The following RAI1 variants were observed in gnomAD, a reference collection of about 807,000 sequenced individuals.
RAI1 encodes the protein retinoic acid-induced protein 1.
Under a neutral mutation model 123.8 loss-of-function variants are expected in RAI1, and 9 were observed. The observed-to-expected ratio is 0.07, with a 90% CI of 0.04 to 0.13. RAI1 has a LOEUF of 0.13. Ranked by LOEUF, RAI1 falls within the 10% of genes least tolerant of loss-of-function variation. RAI1 has a pLI of 1.00. For synonymous variants in RAI1, 1,231 were observed against 1,127.3 expected, an observed-to-expected ratio of 1.09 and a Z score of -1.84; for missense variants, 2,256 against 2,545.8, an observed-to-expected ratio of 0.89 and a Z score of 2.45.
chr17:17,785,867 C>T (rs2031809726), intron 2 of RAI1, among the ~76,000 whole-genome samples: 1 of 152,212 alleles, frequency 6.6e-6, no homozygotes, highest in Non-Finnish European at 1.5e-5. Context: ...CCCTTTGCAT[C>T]GGTTCTGTCA....
At chr17:17,698,976 A>T (rs1240173670) in intron 1 of RAI1, among the ~76,000 whole-genome samples, 1 of 152,240 alleles carries the variant, frequency 6.6e-6, no homozygotes, top group East Asian at 1.9e-4. Flanking sequence ...GCTGATCACA[A>T]GCCAAGACAG....
At chr17:17,682,073 T>TG (rs1010896202) in intron 1 of RAI1, among the ~76,000 whole-genome samples, 1 of 33,292 alleles carries the variant, frequency 3.0e-5, no homozygotes, top group Non-Finnish European at 6.3e-5. Flanking sequence ...TGAGGTCGGG[T>TG]GGGGGCATGG....
intron 2 of RAI1, among the ~76,000 whole-genome samples, chr17:17,755,847 C>T (rs754218387): frequency 2.9e-4 from 44 of 152,242 alleles, no homozygotes; most frequent in Non-Finnish European, 4.9e-4. Context: ...CCAAGGCCTG[C>T]CGTGCCTCAC....
intron 1 of RAI1, among the ~76,000 whole-genome samples, chr17:17,708,404 A>G (rs1331501700): frequency 7.4e-6 from 1 of 135,278 alleles, no homozygotes; most frequent in Non-Finnish European, 1.6e-5. Flanking sequence ...CTTCTCATAT[A>G]TATATATACA....
At chr17:17,707,483 A>G (rs935764427) in intron 1 of RAI1, among the ~76,000 whole-genome samples, 2 of 152,164 alleles carry the variant, frequency 1.3e-5, no homozygotes, top group African/African-American at 4.8e-5. Context: ...TTGCAGGCAG[A>G]GGGAATAGCA....
chr17:17,790,893 A>G (rs1012934475), intron 2 of RAI1, among the ~76,000 whole-genome samples: 1 of 152,114 alleles, frequency 6.6e-6, no homozygotes, highest in Admixed American at 6.5e-5. Flanking sequence ...GAGGCTGCCC[A>G]CCTGGCAGGG....
At chr17:17,727,981 C>T (rs1916148417) in intron 2 of RAI1, among the ~76,000 whole-genome samples, 2 of 152,022 alleles carry the variant, frequency 1.3e-5, no homozygotes, top group Admixed American at 1.3e-4. Flanking sequence ...TCTGATCCTG[C>T]TTGTGTATTG....
intron 1 of RAI1, among the ~76,000 whole-genome samples, chr17:17,705,626 T>C (rs1475011217): frequency 2.6e-5 from 4 of 152,186 alleles, no homozygotes; most frequent in African/African-American, 4.8e-5. Context: ...CTTGCAAGGC[T>C]GAGGCAGGAG....
At chr17:17,779,087 G>T in intron 2 of RAI1, 1 of 353,932 alleles carries the variant, frequency 2.8e-6, no homozygotes, top group South Asian at 2.1e-5. Context: ...TTTCATGGCT[G>T]TTCCAAAGAG....
intron 2 of RAI1, among the ~76,000 whole-genome samples, chr17:17,752,188 C>G (rs1665078588): frequency 6.6e-6 from 1 of 152,082 alleles, no homozygotes; most frequent in African/African-American, 2.4e-5. Context: ...CGGGCCAGTG[C>G]CGGGACTGGG....
chr17:17,795,679 A>C lies in RAI1; in HGVS notation c.2731A>C (p.Lys911Gln), dbSNP rs1485764904. ...KEEVEEVLDSKAGWGSPCHLS... is the reference protein window; with the variant it reads ...KEEVEEVLDSQAGWGSPCHLS... The stretch of plus-strand genomic sequence containing the variant: ...GGAGGTGGAGGAGGTGCTGGACTCC[A>C]AGGCCGGCTGGGGCTCTCCGTGCCA... The change falls in exon 3 of 6, where the codon AAG (lysine) becomes CAG (glutamine). Residue 911 changes from lysine to glutamine, a missense_variant. Physicochemically the swap from Lys to Gln is moderately conservative, Grantham distance 53 (BLOSUM62 1). Around this residue, in one of 7 missense-constraint regions of RAI1, gnomAD observed 566 missense variants for 616.0 expected, o/e 0.92. Coordinates refer to ENST00000353383, the MANE Select transcript of RAI1 (RefSeq NM_030665.4). This position sits in a 1 kb window ranked among gnomAD's most constrained non-coding sequence, Gnocchi z 5.9. 7 of 1,613,342 alleles carry C rather than the reference A, an allele frequency of 4.3e-6. No homozygotes were observed. The highest frequency in any genetic ancestry group is 5.9e-6 in the Non-Finnish European group (7 of 1,179,984).
At chr17:17,733,209 A>T (rs1916323472) in intron 2 of RAI1, among the ~76,000 whole-genome samples, 1 of 152,154 alleles carries the variant, frequency 6.6e-6, no homozygotes, top group South Asian at 2.1e-4. Flanking sequence ...TCCGAGGCAG[A>T]TTCTATCTTT....
Position 17,794,181 on chromosome 17 carries a change from T to C in RAI1, c.1233T>C (p.Ala411=), listed in dbSNP as rs889623348. 6 of 1,613,650 alleles carry C rather than the reference T, an allele frequency of 3.7e-6. No individual in the cohort carries two copies. The highest frequency in any genetic ancestry group is 1.3e-5 in the African/African-American group (1 of 74,922). The change falls in exon 3 of 6, where the codon GCT becomes GCC. Residue 411 remains alanine, a synonymous_variant. Coordinates refer to ENST00000353383, the MANE Select transcript of RAI1 (RefSeq NM_030665.4). Reference sequence around the variant, plus strand: ...CCACCAGCTCTGTGGACACCCAGGCTGGCAACTGCAAGCCCCTTCAGAAGG... The same window carrying C: ...CCACCAGCTCTGTGGACACCCAGGCCGGCAACTGCAAGCCCCTTCAGAAGG... The part of the protein sequence containing the change: ...TDATSSVDTQ[A]GNCKPLQKDK...
intron 2 of RAI1, among the ~76,000 whole-genome samples, chr17:17,730,425 T>C (rs1164287004): frequency 6.6e-6 from 1 of 152,232 alleles, no homozygotes; most frequent in Non-Finnish European, 1.5e-5. Flanking sequence ...CTGGCCCTCA[T>C]GGGGCGCGGT....
At chr17:17,683,487 T>A (rs1914516093) in intron 1 of RAI1, 2 of 152,218 alleles carry the variant, frequency 1.3e-5, no homozygotes, top group Non-Finnish European at 2.9e-5. Flanking sequence ...GACGTGGCCC[T>A]CGGGATCTAG....
At chr17:17,695,279 G>C (rs949113297) in intron 1 of RAI1, among the ~76,000 whole-genome samples, 1 of 152,194 alleles carries the variant, frequency 6.6e-6, no homozygotes, top group Non-Finnish European at 1.5e-5. Flanking sequence ...CCCGGTCCAG[G>C]CCTGGACCCT....
At chr17:17,742,087 T>G (rs1427402625) in intron 2 of RAI1, among the ~76,000 whole-genome samples, 2 of 152,258 alleles carry the variant, frequency 1.3e-5, no homozygotes, top group Non-Finnish European at 2.9e-5. Context: ...AGACCATAAT[T>G]CCCGTCTTGG....
chr17:17,691,292 C>T (rs1390949715), intron 1 of RAI1, among the ~76,000 whole-genome samples: 3 of 152,078 alleles, frequency 2.0e-5, no homozygotes, highest in Non-Finnish European at 2.9e-5. Context: ...AGGCAGCCCC[C>T]GGAACCACAC....
chr17:17,708,937 C>T (rs12452999), intron 1 of RAI1, among the ~76,000 whole-genome samples: 1,591 of 152,338 alleles, frequency 0.01, 61 homozygotes, highest in Admixed American at 0.07. Context: ...CACCCCTGCT[C>T]CAGGCACAAA....
Sources: allele counts gnomAD v4.1 joint callset (sites outside exome capture counted in the v4.1 genomes callset), GRCh38; gene constraint gnomAD v4.1.1; regional missense constraint gnomAD v4.1.1; non-coding constraint Gnocchi (gnomAD v3.1); transcripts MANE v1.5; gene names NCBI Gene and HGNC (gene_info 2026-07-23, HGNC 2026-07-21).